PPARGC1B: variants seen among roughly 807,000 people sequenced by gnomAD.
The protein encoded by PPARGC1B is PPARG coactivator 1 beta.
PPARGC1B carries 34 observed loss-of-function variants against 101.6 expected under a neutral mutation model. The ratio of observed to expected loss-of-function variants is 0.33; its 90% confidence interval spans 0.25 to 0.45. The LOEUF is 0.45. Among genes scored for constraint, PPARGC1B ranks in the 20% least tolerant of loss-of-function variants. The pLI, the probability that PPARGC1B is intolerant of heterozygous loss-of-function variation, is 1.00. For missense variants in PPARGC1B, 1,234 were observed against 1,317.6 expected, an observed-to-expected ratio of 0.94 and a Z score of 0.98; for synonymous variants, 548 against 539.3, an observed-to-expected ratio of 1.02 and a Z score of -0.22.
intron 1 of PPARGC1B, among the ~76,000 whole-genome samples, chr5:149,787,855 C>T: frequency 6.6e-6 from 1 of 152,172 alleles, no homozygotes; most frequent in East Asian, 1.9e-4. Context: ...TGGTCACCTA[C>T]CATCTGCAAT....
At chr5:149,857,216 A>G (rs1759978669), downstream of PPARGC1B, among the ~76,000 whole-genome samples, 1 of 152,178 alleles carries the variant, frequency 6.6e-6, no homozygotes, top group African/African-American at 2.4e-5. Flanking sequence ...TGTTGTTAGG[A>G]TGAAATTAGA....
chr5:149,780,124 T>C (rs1581044785), intron 1 of PPARGC1B, among the ~76,000 whole-genome samples: 2 of 152,208 alleles, frequency 1.3e-5, no homozygotes, highest in East Asian at 3.8e-4. Context: ...CTGTTTCTGC[T>C]GCAGGGTCTG....
chr5:149,831,137 T>A (rs887817583), intron 4 of PPARGC1B, among the ~76,000 whole-genome samples: 1 of 152,166 alleles, frequency 6.6e-6, no homozygotes, highest in Non-Finnish European at 1.5e-5. Flanking sequence ...AGAGCAAGGA[T>A]GAGGAAAGTG....
chr5:149,751,625 G>C (rs535170197), intron 1 of PPARGC1B, among the ~76,000 whole-genome samples: 1 of 151,954 alleles, frequency 6.6e-6, no homozygotes, highest in South Asian at 2.1e-4. Context: ...AGAATTGCCT[G>C]AACCTGGGAG....
chr5:149,798,023 C>T (rs1348471464), intron 1 of PPARGC1B, among the ~76,000 whole-genome samples: 1 of 152,058 alleles, frequency 6.6e-6, no homozygotes, highest in Non-Finnish European at 1.5e-5. Flanking sequence ...ACCCATGGCT[C>T]AAAAAAGGTT....
intron 1 of PPARGC1B, among the ~76,000 whole-genome samples, chr5:149,809,350 CATAGATAGATAG>C (rs374136678): frequency 4.0e-4 from 14 of 34,864 alleles, no homozygotes; most frequent in African/African-American, 1.8e-3. Context: ...CCATCTCTAC[CATAGATAGATAG>C]ATAGATAGAT....
Position 149,797,295 on chromosome 5 carries a change from G to GA in PPARGC1B, c.79-23131dup, listed in dbSNP as rs1757261258. On this transcript the variant is annotated intron_variant, in intron 1 of 11. Coordinates refer to ENST00000309241, the MANE Select transcript of PPARGC1B (RefSeq NM_133263.4). ...TTTAAGGGGTCTGTGAACTTGGATGGAAAAAAATTACATCTTTGTTTTCAT... is the reference window on the plus strand; with the variant it reads ...TTTAAGGGGTCTGTGAACTTGGATGGAAAAAAAATTACATCTTTGTTTTCAT... Among the ~76,000 whole-genome samples the GA allele has an allele frequency of 2.6e-5, 4 of 152,090 alleles. No individual in the cohort carries two copies. In the South Asian group the frequency reaches 8.3e-4, roughly 32 times the overall value.
chr5:149,738,864 G>A (rs1296773683), intron 1 of PPARGC1B, among the ~76,000 whole-genome samples: 1 of 152,140 alleles, frequency 6.6e-6, no homozygotes, highest in East Asian at 1.9e-4. Flanking sequence ...CAAAATGCTG[G>A]GATTGCAGGC....
chr5:149,829,703 G>C (rs1040037261), intron 3 of PPARGC1B, among the ~76,000 whole-genome samples: 3 of 148,394 alleles, frequency 2.0e-5, no homozygotes, highest in African/African-American at 7.5e-5. Flanking sequence ...AAAAAAAAAA[G>C]CCAAACAAGC....
At chr5:149,765,933 T>C (rs1244899215) in intron 1 of PPARGC1B, among the ~76,000 whole-genome samples, 6 of 151,294 alleles carry the variant, frequency 4.0e-5, no homozygotes, top group Non-Finnish European at 7.4e-5. Flanking sequence ...TTAAATTAGA[T>C]AGTGTATTTA....
intron 1 of PPARGC1B, among the ~76,000 whole-genome samples, chr5:149,731,171 C>A (rs1754450242): frequency 6.6e-6 from 1 of 152,056 alleles, no homozygotes; most frequent in Non-Finnish European, 1.5e-5. Context: ...GAGTCCCAGG[C>A]ACTGGCTGAG....
At chr5:149,802,260 A>T (rs1314269442) in intron 1 of PPARGC1B, among the ~76,000 whole-genome samples, 1 of 152,150 alleles carries the variant, frequency 6.6e-6, no homozygotes, top group East Asian at 1.9e-4. Flanking sequence ...GGACACAGCC[A>T]TGTGGCCCTC....
At position 149,853,472 on chromosome 5, in the gene PPARGC1B, GGTT is replaced by G. The variant is rs1204031771; in HGVS notation, c.*5915_*5917del. Reference sequence around the variant, plus strand: ...AGGAGAGGTCCAGGTGCCCGGGAAGGGTTTACTGTAACTGCAATACTGGCAGCC... The same window carrying G: ...AGGAGAGGTCCAGGTGCCCGGGAAGGTACTGTAACTGCAATACTGGCAGCC... On this transcript the variant is annotated 3_prime_UTR_variant, in exon 12 of 12. Coordinates refer to ENST00000309241, the MANE Select transcript of PPARGC1B (RefSeq NM_133263.4). This position sits in a 1 kb window ranked among gnomAD's most constrained non-coding sequence, Gnocchi z 4.2. The G allele has an allele frequency of 4.6e-5, 7 of 152,138 alleles. No individual in the cohort carries two copies. The highest frequency in any genetic ancestry group is 8.8e-5 in the Non-Finnish European group (6 of 68,036). The allele number at this position is 152,138 out of a possible 1,614,324, so 9.4% of individuals were successfully genotyped here. A position where few individuals can be genotyped will look rare whatever the true frequency, so the allele number is the denominator to read the frequency against.
rs11959820 is a variant in PPARGC1B at position 149,832,947 on chromosome 5, C to T, written c.874C>T (p.Arg292Cys). The change falls in exon 5 of 12, where the codon CGC (arginine) becomes TGC (cysteine). Residue 292 changes from arginine (R) to cysteine (C), a missense_variant. This residue lies in a region of PPARGC1B where 734 missense variants were observed against 768.4 expected (regional missense o/e 0.96). Transcript: ENST00000309241. The surrounding 1 kb of genome is among the most constrained non-coding windows in gnomAD (Gnocchi z 4.9). ...CATGCAGGCGATGGTGCAACTCATA[C>T]GCTACATGCACACCTACTGCCTCCC... ...EDMQAMVQLI[R>C]YMHTYCLPQR... The T allele has an allele frequency of 1.2e-5, 20 of 1,613,048 alleles. No homozygotes were observed. The highest frequency in any genetic ancestry group is 1.6e-4 in the Middle Eastern group (1 of 6,084).
chr5:149,857,196 C>T (rs1400878852), downstream of PPARGC1B, among the ~76,000 whole-genome samples: 2 of 152,166 alleles, frequency 1.3e-5, no homozygotes, highest in African/African-American at 4.8e-5. Context: ...CAGTTTCTCC[C>T]TTGGAGTATT....
intron 1 of PPARGC1B, among the ~76,000 whole-genome samples, chr5:149,732,050 G>A (rs1379898563): frequency 9.4e-5 from 1 of 10,662 alleles, no homozygotes; most frequent in Non-Finnish European, 2.5e-4. Context: ...GCGCGGGTGT[G>A]TGTGTGTGTG....
At chr5:149,785,286 G>A (rs985641851) in intron 1 of PPARGC1B, among the ~76,000 whole-genome samples, 2 of 152,174 alleles carry the variant, frequency 1.3e-5, no homozygotes, top group Non-Finnish European at 2.9e-5. Flanking sequence ...CTAGCAGCAT[G>A]GCCTTTGCAG....
In PPARGC1B at chr5:149,850,656, T is replaced by C. The variant is rs1218586474; in HGVS notation, c.*3098T>C. On this transcript the variant is annotated 3_prime_UTR_variant, in exon 12 of 12. Coordinates refer to ENST00000309241, the MANE Select transcript of PPARGC1B (RefSeq NM_133263.4). Reference sequence around the variant, plus strand: ...AGTAACCCAGAGGGAGCAGCTGCCATTGGCAACCATCTCGTTGTAGCTCTG... The same window carrying C: ...AGTAACCCAGAGGGAGCAGCTGCCACTGGCAACCATCTCGTTGTAGCTCTG... 6.6e-6 allele frequency: 1 copy of C among 152,262 alleles called. No individual in the cohort carries two copies. The highest frequency in any genetic ancestry group is 2.4e-5 in the African/African-American group (1 of 41,462). The allele number at this position is 152,262 out of a possible 1,614,324, so 9.4% of individuals were successfully genotyped here.
chr5:149,759,831 C>T (rs780089394), intron 1 of PPARGC1B, among the ~76,000 whole-genome samples: 2 of 152,194 alleles, frequency 1.3e-5, no homozygotes, highest in Non-Finnish European at 2.9e-5. Context: ...CCACCCACAC[C>T]CACCCTGGAT....
Sources: gnomAD v4.1 joint callset for allele counts (sites outside exome capture counted in the v4.1 genomes callset) on GRCh38, gnomAD v4.1.1 for gene constraint, gnomAD v4.1.1 regional missense constraint, Gnocchi (gnomAD v3.1) non-coding constraint, MANE v1.5 for transcripts, NCBI Gene and HGNC (gene_info 2026-07-23, HGNC 2026-07-21) for gene names.